The following STRIP1 variants were observed in gnomAD, a reference collection of about 807,000 sequenced individuals.
The protein encoded by STRIP1 is striatin interacting protein 1.
A neutral mutation model predicts 106.2 loss-of-function variants in STRIP1; 63 were observed. The observed-to-expected ratio is 0.59, with a 90% CI of 0.48 to 0.73. The LOEUF (loss-of-function observed/expected upper bound fraction) is 0.73. STRIP1 is among the 30% of genes least tolerant of loss of function. The probability of loss-of-function intolerance (pLI) is 0.00; values close to 1 mark genes in which losing one functional copy is unlikely to be tolerated. For missense variants in STRIP1, 857 were observed against 1,074.8 expected (o/e 0.80, Z 2.83); for synonymous variants, 390 against 413.0 (o/e 0.94, Z 0.67).
chr1:110,043,323 T>TGCAGCA, intron 9 of STRIP1, 53 bp downstream of exon 9: 1 of 1,557,542 alleles, frequency 6.4e-7, no homozygotes, highest in African/African-American at 1.4e-5. Flanking sequence ...GGTGCATGCT[T>TGCAGCA]GCAGCAGCAC....
At chr1:110,043,948 T>G (rs1652897786) in intron 10 of STRIP1, 92 bp downstream of exon 10, 3 of 1,199,090 alleles carry the variant, frequency 2.5e-6, no homozygotes, top group Non-Finnish European at 2.5e-6. Context: ...CCATGTGTGG[T>G]CCTCTGCAGG....
intron 10 of STRIP1, 48 bp from the exon 11 acceptor site, chr1:110,044,792 A>G (rs1652936845): frequency 6.3e-7 from 1 of 1,589,074 alleles, no homozygotes; most frequent in Non-Finnish European, 8.6e-7. Context: ...TTGAAATAGC[A>G]TTTGCTAAAA....
chr1:110,041,313 C>T (rs760252475), intron 6 of STRIP1: 1 of 468,872 alleles, frequency 2.1e-6, no homozygotes, highest in Non-Finnish European at 3.9e-6. Context: ...TCACTGTGAC[C>T]CTGTTCTGCT....
rs1652847262 is a variant in STRIP1 at position 110,043,132 on chromosome 1, G to A, written c.930G>A (p.Glu310=). 2 of 1,613,860 alleles carry A rather than the reference G, an allele frequency of 1.2e-6. No individual in the cohort carries two copies. The highest frequency in any genetic ancestry group is 3.3e-5 in the Admixed American group (2 of 59,998). The stretch of plus-strand genomic sequence containing the variant: ...AGGAGCTGCAGAGCATGAAGGCTGA[G>A]AAGCGCAGCATCCTGGGCCTCCCCC... ...GFEELQSMKA[E]KRSILGLPPL... The change falls in exon 9 of 21, where the codon GAG becomes GAA. Residue 310 remains glutamate, a synonymous_variant. Coordinates refer to ENST00000369795, the MANE Select transcript of STRIP1 (RefSeq NM_033088.4).
In STRIP1 at chr1:110,053,857, G is replaced by T; in HGVS notation, c.2459G>T (p.Trp820Leu). Residue 820 changes from tryptophan (W) to leucine (L), a missense_variant, in exon 21 of 21, where the codon TGG (tryptophan) becomes TTG (leucine). Trp to Leu is a moderately conservative substitution (Grantham distance 61). This residue lies in a region of STRIP1 where 750 missense variants were observed against 989.8 expected (regional missense o/e 0.76). Coordinates refer to ENST00000369795, the MANE Select transcript of STRIP1 (RefSeq NM_033088.4). ...PEDFQMNYDLWLEREVFSKPI... is the reference protein window; with the variant it reads ...PEDFQMNYDLLLEREVFSKPI... ...GACTTTCAGATGAACTATGACCTCTGGTTAGAAAGGGAGGTCTTCTCCAAG... is the reference window on the plus strand; with the variant it reads ...GACTTTCAGATGAACTATGACCTCTTGTTAGAAAGGGAGGTCTTCTCCAAG... The T allele has an allele frequency of 6.2e-7, 1 of 1,614,160 alleles. No homozygotes were observed. The highest frequency in any genetic ancestry group is 8.5e-7 in the Non-Finnish European group (1 of 1,180,012).
In STRIP1 at chr1:110,052,074, C is replaced by T. The variant is rs142709474; in HGVS notation, c.2266+187C>T. On this transcript the variant is annotated intron_variant, in intron 20 of 20. Transcript: ENST00000369795. ...CTAGGAAGGACTTTGAGAAGCTACC[C>T]AGCCTTGGCATCTGCGATCATCCCC... Among the ~76,000 whole-genome samples the T allele has an allele frequency of 7.1e-3, 1,076 of 152,260 alleles. 10 individuals carry two copies. The highest frequency in any genetic ancestry group is 0.016 in the African/African-American group (663 of 41,548).
chr1:110,043,298 C>G, intron 9 of STRIP1, 28 bp downstream of exon 9: 1 of 1,602,136 alleles, frequency 6.2e-7, no homozygotes, highest in Non-Finnish European at 8.5e-7. Flanking sequence ...CCCTGTGACT[C>G]CTGAGGGCCC....
chr1:110,038,651 G>A (rs752768791), intron 2 of STRIP1, 32 bp from the exon 3 acceptor site: 26 of 1,598,172 alleles, frequency 1.6e-5, no homozygotes, highest in South Asian at 1.5e-4. Context: ...TGCAGACATG[G>A]AACCAATGGT....
At chr1:110,046,902 TAGCC>T in intron 13 of STRIP1, 151 bp downstream of exon 13, 2 of 510,558 alleles carry the variant, frequency 3.9e-6, no homozygotes. Flanking sequence ...AAAAAAAAAT[TAGCC>T]AGCCGTGGTG....
intron 10 of STRIP1, 124 bp downstream of exon 10, chr1:110,043,980 G>T: frequency 1.1e-6 from 1 of 908,128 alleles, no homozygotes; most frequent in Non-Finnish European, 1.7e-6. Flanking sequence ...GTGGCTCTGG[G>T]ATGAGGCTCT....
chr1:110,041,846 C>G lies in STRIP1; in HGVS notation c.870C>G (p.Leu290=). ...CCATGAAGAAAGTTCTCTTGCTGCT[C>G]TGGAAGACAGTATTGGTGAGCACCT... ...HFPMKKVLLL[L]WKTVLCTLGG... The change falls in exon 8 of 21, where the codon CTC becomes CTG. Residue 290 remains leucine, a synonymous_variant. Transcript: ENST00000369795. 1.2e-6 allele frequency: 2 copies of G among 1,614,138 alleles called. No individual in the cohort carries two copies. Among genetic ancestry groups the G allele is most frequent in the South Asian group, 1.1e-5 (1 of 91,054 alleles).
At chr1:110,042,295 C>G (rs1652801091) in intron 8 of STRIP1, among the ~76,000 whole-genome samples, 1 of 152,224 alleles carries the variant, frequency 6.6e-6, no homozygotes, top group South Asian at 2.1e-4. Context: ...CAGCCCGACT[C>G]TGTGTCTAGG....
In STRIP1 at chr1:110,043,282, A is replaced by G. The variant is rs1184825232; in HGVS notation, c.1068+12A>G. On this transcript the variant is annotated intron_variant, in intron 9 of 20. Transcript: ENST00000369795. Reference sequence around the variant, plus strand: ...GCCGAGAGCACAAGGTGAGGACGACAGAGGTCCCTGTGACTCCTGAGGGCC... The same window carrying G: ...GCCGAGAGCACAAGGTGAGGACGACGGAGGTCCCTGTGACTCCTGAGGGCC... The G allele has an allele frequency of 1.9e-6, 3 of 1,607,958 alleles. No homozygotes were observed. Among genetic ancestry groups the G allele is most frequent in the Non-Finnish European group, 2.5e-6 (3 of 1,179,596 alleles).
rs1021047573 is a variant in STRIP1 at position 110,052,036 on chromosome 1, C to T, written c.2266+149C>T. 6.2e-6 allele frequency: 5 copies of T among 809,076 alleles called. No individual in the cohort carries two copies. In the African/African-American group the frequency reaches 8.6e-5, roughly 14 times the overall value. 50.1% of individuals were successfully genotyped at this position (809,076 alleles called of 1,614,324 possible). Reference sequence around the variant, plus strand: ...AGCCCAGCTCCTGCTTTTGTAGCATCAGGATGGGCACTCTAGGAAGGACTT... The same window carrying T: ...AGCCCAGCTCCTGCTTTTGTAGCATTAGGATGGGCACTCTAGGAAGGACTT... On this transcript the variant is annotated intron_variant, in intron 20 of 20. Coordinates refer to ENST00000369795, the MANE Select transcript of STRIP1 (RefSeq NM_033088.4).
chr1:110,050,876 G>T, intron 18 of STRIP1, 80 bp from the exon 19 acceptor site: 2 of 829,690 alleles, frequency 2.4e-6, no homozygotes, highest in Non-Finnish European at 2.1e-6. Context: ...GCTGTCCTGA[G>T]ATCATGTGTG....
chr1:110,043,899 A>C (rs199640956), intron 10 of STRIP1, 43 bp downstream of exon 10: 1 of 1,566,638 alleles, frequency 6.4e-7, no homozygotes, highest in Non-Finnish European at 8.8e-7. Context: ...CCTGAGGCAG[A>C]GCCCTCACAC....
chr1:110,045,000 T>A lies in STRIP1; in HGVS notation c.1353-15T>A, dbSNP rs760926719. ...TGATGTCGAGGCTCAACACAGGGCCTTCTTTATTCTCCAGTGACACGAACA... is the reference window on the plus strand; with the variant it reads ...TGATGTCGAGGCTCAACACAGGGCCATCTTTATTCTCCAGTGACACGAACA... On this transcript the variant is annotated splice_polypyrimidine_tract_variant and intron_variant, in intron 11 of 20. Coordinates refer to ENST00000369795, the MANE Select transcript of STRIP1 (RefSeq NM_033088.4). 2.0e-5 allele frequency: 32 copies of A among 1,614,062 alleles called. No individual in the cohort carries two copies. Among genetic ancestry groups the A allele is most frequent in the Non-Finnish European group, 2.5e-5 (30 of 1,180,000 alleles).
chr1:110,042,672 A>G (rs1652818135), intron 8 of STRIP1, among the ~76,000 whole-genome samples: 1 of 152,212 alleles, frequency 6.6e-6, no homozygotes, highest in South Asian at 2.1e-4. Context: ...GTTTAGATGA[A>G]GCTTTTTTTC....
chr1:110,043,405 G>A (rs1016356935), intron 9 of STRIP1, 135 bp downstream of exon 9: 2 of 1,023,358 alleles, frequency 2.0e-6, no homozygotes, highest in Non-Finnish European at 2.9e-6. Context: ...CCACAGCGAG[G>A]ATACTTTGTC....
Sources: allele counts gnomAD v4.1 joint callset (sites outside exome capture counted in the v4.1 genomes callset), GRCh38; gene constraint gnomAD v4.1.1; regional missense constraint gnomAD v4.1.1; transcripts MANE v1.5; gene names NCBI Gene and HGNC (gene_info 2026-07-23, HGNC 2026-07-21).